Variants in ULK4 observed in about 807,000 individuals in gnomAD.
The protein encoded by ULK4 is inactive serine/threonine-protein kinase ULK4.
ULK4 carries 133 observed loss-of-function variants against 160.6 expected under a neutral mutation model. The observed-to-expected ratio is 0.83, with a 90% CI of 0.72 to 0.96. ULK4 has a LOEUF of 0.96. ULK4 is among the 40% of genes least tolerant of loss of function. The probability of loss-of-function intolerance (pLI) is 0.00; values close to 1 mark genes in which losing one functional copy is unlikely to be tolerated. For missense variants in ULK4, 1,580 were observed against 1,499.5 expected (o/e 1.05, Z -0.89); for synonymous variants, 534 against 539.8 (o/e 0.99, Z 0.15).
intron 32 of ULK4, among the ~76,000 whole-genome samples, chr3:41,560,079 A>C (rs1424467052): frequency 2.6e-5 from 4 of 152,188 alleles, no homozygotes; most frequent in African/African-American, 9.6e-5. Flanking sequence ...TCAGCTTTCT[A>C]CATATGGCTA....
chr3:41,571,045 A>G (rs1194764840), intron 31 of ULK4, among the ~76,000 whole-genome samples: 3 of 152,214 alleles, frequency 2.0e-5, no homozygotes, highest in African/African-American at 7.2e-5. Context: ...TTCCACTTCT[A>G]TTCTAGACGT....
intron 30 of ULK4, among the ~76,000 whole-genome samples, chr3:41,616,115 C>T (rs918515539): frequency 2.6e-5 from 4 of 152,064 alleles, no homozygotes; most frequent in African/African-American, 4.8e-5. Context: ...TAGCTGTATT[C>T]TCAGCATTAA....
At chr3:41,299,058 C>A (rs2079729960) in intron 35 of ULK4, among the ~76,000 whole-genome samples, 3 of 152,274 alleles carry the variant, frequency 2.0e-5, no homozygotes, top group Middle Eastern at 3.4e-3. Flanking sequence ...ATTTCTCATC[C>A]TTGAATCTGG....
intron 35 of ULK4, among the ~76,000 whole-genome samples, chr3:41,255,041 C>A (rs993190867): frequency 7.0e-6 from 1 of 143,350 alleles, no homozygotes; most frequent in Non-Finnish European, 1.5e-5. Flanking sequence ...CCAAATGCTC[C>A]AAGTAAAAGA....
intron 34 of ULK4, among the ~76,000 whole-genome samples, chr3:41,448,723 G>A (rs918130350): frequency 1.3e-5 from 2 of 152,138 alleles, no homozygotes; most frequent in Non-Finnish European, 2.9e-5. Flanking sequence ...AACGTGTGAT[G>A]TGTGATGTGT....
At chr3:41,267,127 T>C (rs771787494) in intron 35 of ULK4, among the ~76,000 whole-genome samples, 3 of 151,486 alleles carry the variant, frequency 2.0e-5, no homozygotes, top group East Asian at 3.9e-4. Context: ...GGTGGTCTGA[T>C]GCAGCTATTG....
intron 29 of ULK4, among the ~76,000 whole-genome samples, chr3:41,677,817 C>A (rs1328683316): frequency 6.6e-6 from 1 of 152,090 alleles, no homozygotes; most frequent in African/African-American, 2.4e-5. Context: ...AAACATTTTT[C>A]TGGGTATGGC....
rs140026619 is a variant in ULK4, at chr3:41,395,380, A to T, written c.3678+2699T>A. ...GGACAGAAAAGGTGGAACAACACAA[A>T]TGTCCATCAATGGATAACACATTTT... On this transcript the variant is annotated intron_variant, in intron 35 of 36. Transcript: ENST00000301831. 4.5e-4 allele frequency among the ~76,000 whole-genome samples: 68 copies of T among 152,254 alleles called. No individual in the cohort carries two copies. In the East Asian group the frequency reaches 9.7e-3, roughly 22 times the overall value.
intron 31 of ULK4, among the ~76,000 whole-genome samples, chr3:41,586,015 G>A (rs1453018627): frequency 2.0e-5 from 3 of 152,238 alleles, no homozygotes; most frequent in Admixed American, 6.5e-5. Context: ...TGGTGAGGAC[G>A]GGCAGAAACT....
At chr3:41,506,767 A>AAAAAAAAAAAAAATATATATATATAT in intron 32 of ULK4, among the ~76,000 whole-genome samples, 3 of 56,794 alleles carry the variant, frequency 5.3e-5, no homozygotes, top group African/African-American at 2.4e-4. Context: ...TGTGATTTAA[A>AAAAAAAAAAAAAATATATATATATAT]ATATATATAT....
intron 22 of ULK4, among the ~76,000 whole-genome samples, chr3:41,743,810 C>T (rs551063082): frequency 7.9e-5 from 12 of 151,918 alleles, no homozygotes; most frequent in South Asian, 6.2e-4. Context: ...GGAATACAGG[C>T]GCACACAACC....
At chr3:41,418,468 A>C (rs1459652307) in intron 34 of ULK4, among the ~76,000 whole-genome samples, 2 of 152,138 alleles carry the variant, frequency 1.3e-5, no homozygotes, top group African/African-American at 4.8e-5. Flanking sequence ...GTACAGTTCA[A>C]ACCCGTGTTG....
intron 35 of ULK4, among the ~76,000 whole-genome samples, chr3:41,348,299 G>C (rs1446333135): frequency 1.3e-5 from 2 of 151,300 alleles, no homozygotes; most frequent in Non-Finnish European, 2.9e-5. Flanking sequence ...TTTTGACACA[G>C]GCGTAGCATT....
At chr3:41,436,189 G>A (rs552630170) in intron 34 of ULK4, among the ~76,000 whole-genome samples, 22 of 152,218 alleles carry the variant, frequency 1.4e-4, no homozygotes, top group Non-Finnish European at 2.5e-4. Flanking sequence ...AGATAATTTT[G>A]ACCAACTAAT....
intron 25 of ULK4, among the ~76,000 whole-genome samples, chr3:41,708,177 C>CATATATATATATATAT (rs151064663): frequency 6.7e-6 from 1 of 149,936 alleles, no homozygotes; most frequent in African/African-American, 2.5e-5. Flanking sequence ...AATACATATA[C>CATATATATATATATAT]ATATATATAT....
At chr3:41,574,528 C>CTTTTTTTTTTTT (rs1559406622) in intron 31 of ULK4, among the ~76,000 whole-genome samples, 3 of 106,280 alleles carry the variant, frequency 2.8e-5, no homozygotes, top group Non-Finnish European at 3.8e-5. Context: ...CTACCAGAGT[C>CTTTTTTTTTTTT]CTCTTTTTTT....
At chr3:41,699,565 T>C (rs1365290669) in intron 27 of ULK4, among the ~76,000 whole-genome samples, 3 of 152,208 alleles carry the variant, frequency 2.0e-5, no homozygotes, top group South Asian at 2.1e-4. Flanking sequence ...ATAGGCCAGA[T>C]TGATGATTTC....
chr3:41,498,697 G>C (rs1023069640), intron 32 of ULK4, among the ~76,000 whole-genome samples: 1 of 151,788 alleles, frequency 6.6e-6, no homozygotes, highest in East Asian at 1.9e-4. Context: ...CTGGGTTCAC[G>C]CCATTCTCCT....
chr3:41,296,818 C>T (rs777697572), intron 35 of ULK4, among the ~76,000 whole-genome samples: 4 of 151,560 alleles, frequency 2.6e-5, no homozygotes, highest in African/African-American at 7.3e-5. Flanking sequence ...ACAAACAGAA[C>T]GAGGCCACTG....
Sources: gnomAD v4.1 joint callset for allele counts (sites outside exome capture counted in the v4.1 genomes callset) on GRCh38, gnomAD v4.1.1 for gene constraint, MANE v1.5 for transcripts, NCBI Gene and HGNC (gene_info 2026-07-23, HGNC 2026-07-21) for gene names.